The following ATP6V1E1 variants were observed in gnomAD, a reference collection of about 807,000 sequenced individuals.
ATP6V1E1 encodes the protein ATPase H+ transporting V1 subunit E1, also known as V-type proton ATPase subunit E 1.
In ATP6V1E1, 21 loss-of-function variants were observed where a neutral mutation model predicts 35.2. The observed-to-expected ratio is 0.60, with a 90% confidence interval of 0.42 to 0.86. The LOEUF (loss-of-function observed/expected upper bound fraction) is 0.86, where lower values mean the gene tolerates loss of function less well. ATP6V1E1 is among the 40% of genes least tolerant of loss of function. The pLI is 0.00. For synonymous variants in ATP6V1E1, 83 were observed against 87.8 expected (o/e 0.95, Z 0.30); for missense variants, 183 against 272.6 (o/e 0.67, Z 2.32).
At chr22:17,619,665 T>G (rs1601394289) in intron 1 of ATP6V1E1, 139 bp from the exon 2 acceptor site, 1 of 698,586 alleles carries the variant, frequency 1.4e-6, no homozygotes, top group East Asian at 2.8e-5. Flanking sequence ...GAGGGAGGAT[T>G]GCTTTAGGCC....
chr22:17,605,268 C>T (rs13053258), intron 4 of ATP6V1E1, among the ~76,000 whole-genome samples: 10,910 of 149,400 alleles, frequency 0.073, 607 homozygotes, highest in Non-Finnish European at 0.11. Context: ...TGGTGGCTCA[C>T]GCCTGTAATC....
chr22:17,628,528 C>T (rs2057937775), intron 1 of ATP6V1E1, 75 bp downstream of exon 1: 1 of 1,603,294 alleles, frequency 6.2e-7, no homozygotes, highest in Non-Finnish European at 8.5e-7. Flanking sequence ...AGGCCCGCGG[C>T]CTTCCCTAGG....
intron 4 of ATP6V1E1, among the ~76,000 whole-genome samples, chr22:17,605,983 G>T (rs1483024892): frequency 2.0e-5 from 3 of 151,186 alleles, no homozygotes. Flanking sequence ...TATAAGAAAT[G>T]AAGGGTTCAA....
intron 1 of ATP6V1E1, 106 bp downstream of exon 1, chr22:17,628,497 C>T: frequency 6.7e-7 from 1 of 1,485,244 alleles, no homozygotes; most frequent in Non-Finnish European, 9.4e-7. Context: ...AGGGACCTTC[C>T]TGCGGCATCT....
chr22:17,613,556 G>C (rs188677486), intron 2 of ATP6V1E1, among the ~76,000 whole-genome samples: 146 of 152,254 alleles, frequency 9.6e-4, no homozygotes, highest in African/African-American at 3.4e-3. Flanking sequence ...TAACCGACAA[G>C]TTACTAAAGG....
chr22:17,616,944 A>G (rs2057848969), intron 2 of ATP6V1E1, among the ~76,000 whole-genome samples: 1 of 108,376 alleles, frequency 9.2e-6, no homozygotes, highest in African/African-American at 3.8e-5. Flanking sequence ...GCTACTTGGG[A>G]GGCTGAGGCA....
chr22:17,626,168 G>T (rs999713486), intron 1 of ATP6V1E1, among the ~76,000 whole-genome samples: 1 of 151,822 alleles, frequency 6.6e-6, no homozygotes, highest in Non-Finnish European at 1.5e-5. Flanking sequence ...TTAGCCAGGC[G>T]TGGTGGCGGG....
At chr22:17,607,708 T>C (rs1005356730) in intron 4 of ATP6V1E1, among the ~76,000 whole-genome samples, 2 of 152,166 alleles carry the variant, frequency 1.3e-5, no homozygotes, top group African/African-American at 4.8e-5. Flanking sequence ...AAACACTATT[T>C]CTCAAAGTGT....
chr22:17,622,306 G>A (rs77989004), intron 1 of ATP6V1E1, among the ~76,000 whole-genome samples: 1 of 152,130 alleles, frequency 6.6e-6, no homozygotes, highest in Non-Finnish European at 1.5e-5. Flanking sequence ...CATAGGAGAT[G>A]CTCAAAAAAA....
At chr22:17,626,443 T>C (rs1415604553) in intron 1 of ATP6V1E1, among the ~76,000 whole-genome samples, 2 of 152,060 alleles carry the variant, frequency 1.3e-5, no homozygotes, top group East Asian at 1.9e-4. Flanking sequence ...GGCATGATCA[T>C]AGCTCACTGC....
intron 1 of ATP6V1E1, 42 bp downstream of exon 1, chr22:17,628,561 G>A (rs2057938310): frequency 1.2e-6 from 2 of 1,613,642 alleles, no homozygotes; most frequent in East Asian, 2.2e-5. Context: ...CACTCCCCGG[G>A]ACTGCCGCCG....
chr22:17,624,760 G>A (rs949672864), intron 1 of ATP6V1E1, among the ~76,000 whole-genome samples: 1 of 152,020 alleles, frequency 6.6e-6, no homozygotes, highest in Admixed American at 6.6e-5. Flanking sequence ...GGCAGAGGTT[G>A]CAGCAAGCTG....
intron 7 of ATP6V1E1, chr22:17,597,970 C>A (rs746378999): frequency 5.3e-4 from 274 of 512,402 alleles, no homozygotes; most frequent in Middle Eastern, 1.1e-3. Context: ...AGCCACCGCA[C>A]CTGGCCAAAC....
At chr22:17,597,671 T>C (rs1167924713) in intron 7 of ATP6V1E1, among the ~76,000 whole-genome samples, 2 of 151,982 alleles carry the variant, frequency 1.3e-5, no homozygotes, top group African/African-American at 4.8e-5. Context: ...TCTGTCGCCA[T>C]ACTGGAGTCC....
Position 17,596,187 on chromosome 22 carries a change from G to A in ATP6V1E1, c.531-1571C>T, listed in dbSNP as rs55963307. On this transcript the variant is annotated intron_variant, in intron 7 of 8. Transcript: ENST00000253413. ...AATGCTATGAGGTTAGTGCTAATAC[G>A]TCAATTTACAGATAAGGGAATCAGG... Among the ~76,000 whole-genome samples, 1,115 of 152,134 alleles carry A rather than the reference G, an allele frequency of 7.3e-3. 12 individuals carry two copies. Among genetic ancestry groups the A allele is most frequent in the African/African-American group, 0.024 (1,004 of 41,480 alleles).
chr22:17,625,650 G>C (rs2057900344), intron 1 of ATP6V1E1, among the ~76,000 whole-genome samples: 1 of 152,034 alleles, frequency 6.6e-6, no homozygotes, highest in Admixed American at 6.6e-5. Context: ...TCCTAGCACA[G>C]TACTTCAGAA....
chr22:17,605,526 G>A (rs113979535), intron 4 of ATP6V1E1, among the ~76,000 whole-genome samples: 4,368 of 152,038 alleles, frequency 0.029, 91 homozygotes, highest in Non-Finnish European at 0.042. Context: ...GCGAAACTCC[G>A]TCTCAAAAAG....
chr22:17,620,101 C>G (rs2057868061), intron 1 of ATP6V1E1, among the ~76,000 whole-genome samples: 1 of 151,894 alleles, frequency 6.6e-6, no homozygotes, highest in South Asian at 2.1e-4. Context: ...TTGGCCTTTT[C>G]TTACTTGATC....
intron 4 of ATP6V1E1, 62 bp from the exon 5 acceptor site, chr22:17,601,243 T>G: frequency 1.5e-6 from 2 of 1,372,342 alleles, no homozygotes; most frequent in East Asian, 4.7e-5. Flanking sequence ...CAGAACCCAC[T>G]GTGAGGCTGA....
Sources: gnomAD v4.1 joint callset for allele counts (sites outside exome capture counted in the v4.1 genomes callset) on GRCh38, gnomAD v4.1.1 for gene constraint, MANE v1.5 for transcripts, NCBI Gene and HGNC (gene_info 2026-07-23, HGNC 2026-07-21) for gene names.